Variants in CTNNA2 observed in about 807,000 individuals in gnomAD.
CTNNA2 encodes catenin alpha 2.
Under a neutral mutation model 101.0 loss-of-function variants are expected in CTNNA2, and 42 were observed. The ratio of observed to expected loss-of-function variants is 0.42; its 90% CI spans 0.32 to 0.54. CTNNA2 has a LOEUF of 0.54. Among genes scored for constraint, CTNNA2 ranks in the 20% least tolerant of loss-of-function variants. CTNNA2 has a pLI of 0.14. For synonymous variants in CTNNA2, 450 were observed against 456.4 expected (o/e 0.99, Z 0.18); for missense variants, 871 against 1,223.1 (o/e 0.71, Z 4.29).
intron 7 of CTNNA2, among the ~76,000 whole-genome samples, chr2:79,982,310 TATATAACATATATAACACAC>T (rs1234261360): frequency 3.6e-5 from 5 of 139,830 alleles, no homozygotes; most frequent in African/African-American, 1.4e-4. Context: ...ATATAAAACA[TATATAACATATATAACACAC>T]ATATAAAACA....
chr2:79,481,069 G>A (rs1671104649), intron 4 of CTNNA2, among the ~76,000 whole-genome samples: 1 of 151,496 alleles, frequency 6.6e-6, no homozygotes, highest in South Asian at 2.1e-4. Flanking sequence ...TCCCAGAAGT[G>A]CAAAAATCAC....
intron 1 of CTNNA2, among the ~76,000 whole-genome samples, chr2:79,616,214 G>A (rs926306378): frequency 6.6e-6 from 1 of 152,136 alleles, no homozygotes; most frequent in Non-Finnish European, 1.5e-5. Context: ...TGGCTTGTAA[G>A]TGTATCTTTG....
At chr2:80,262,478 G>A (rs975078534) in intron 7 of CTNNA2, among the ~76,000 whole-genome samples, 4 of 152,054 alleles carry the variant, frequency 2.6e-5, no homozygotes, top group Admixed American at 6.5e-5. Flanking sequence ...GAATTCTTTC[G>A]AAATGTAACT....
chr2:80,502,978 G>A (rs548902277), intron 9 of CTNNA2, among the ~76,000 whole-genome samples: 33 of 152,234 alleles, frequency 2.2e-4, no homozygotes, highest in Admixed American at 5.2e-4. Context: ...ACCAGTGTAA[G>A]CAACATAACA....
At chr2:79,869,401 T>G (rs931154447) in intron 4 of CTNNA2, among the ~76,000 whole-genome samples, 1 of 152,222 alleles carries the variant, frequency 6.6e-6, no homozygotes, top group Non-Finnish European at 1.5e-5. Context: ...GTCCTAAATT[T>G]TTAGCAGCTC....
chr2:80,445,804 T>C (rs930279831), intron 9 of CTNNA2, among the ~76,000 whole-genome samples: 5 of 152,224 alleles, frequency 3.3e-5, no homozygotes, highest in Admixed American at 6.5e-5. Context: ...ATTGTGGATT[T>C]AATCCTTTAT....
chr2:79,524,764 T>C (rs935966448), intron 1 of CTNNA2: 1 of 151,984 alleles, frequency 6.6e-6, no homozygotes, highest in Non-Finnish European at 1.5e-5. Context: ...GTCTTTTCCA[T>C]AGTAACGTAA....
At chr2:80,588,640 C>T (rs1696176031) in intron 14 of CTNNA2, among the ~76,000 whole-genome samples, 1 of 152,146 alleles carries the variant, frequency 6.6e-6, no homozygotes, top group Non-Finnish European at 1.5e-5. Context: ...CTAATTTTAT[C>T]CTTTATCCCA....
intron 3 of CTNNA2, among the ~76,000 whole-genome samples, chr2:79,342,735 A>G (rs1176907693): frequency 6.6e-6 from 1 of 152,196 alleles, no homozygotes; most frequent in Non-Finnish European, 1.5e-5. Context: ...CCCTACCTGC[A>G]GATCCTCTCA....
intron 2 of CTNNA2, among the ~76,000 whole-genome samples, chr2:79,210,274 G>A (rs1396290217): frequency 6.6e-6 from 1 of 151,932 alleles, no homozygotes; most frequent in African/African-American, 2.4e-5. Context: ...AAAAAGACAA[G>A]GATTTGAGGG....
intron 7 of CTNNA2, among the ~76,000 whole-genome samples, chr2:80,169,055 T>C (rs78797705): frequency 6.6e-6 from 1 of 152,220 alleles, no homozygotes; most frequent in African/African-American, 2.4e-5. Flanking sequence ...GGGCCTGACC[T>C]TGGGAGCCCA....
chr2:79,321,941 T>C (rs1055617334), intron 3 of CTNNA2, among the ~76,000 whole-genome samples: 4 of 152,124 alleles, frequency 2.6e-5, no homozygotes, highest in East Asian at 1.9e-4. Context: ...ATAGAAATCA[T>C]CCCAGCAGAC....
At chr2:79,881,698 G>A (rs1295039187) in intron 6 of CTNNA2, among the ~76,000 whole-genome samples, 1 of 151,456 alleles carries the variant, frequency 6.6e-6, no homozygotes, top group Non-Finnish European at 1.5e-5. Flanking sequence ...GCCTATGTGT[G>A]TCTTTGCATG....
At chr2:80,457,284 A>G (rs1684062499) in intron 9 of CTNNA2, among the ~76,000 whole-genome samples, 1 of 152,020 alleles carries the variant, frequency 6.6e-6, no homozygotes, top group African/African-American at 2.4e-5. Flanking sequence ...GGCTGGTTTC[A>G]AACTCCTGAC....
intron 15 of CTNNA2, among the ~76,000 whole-genome samples, chr2:80,595,746 A>G (rs952446117): frequency 2.6e-5 from 4 of 152,194 alleles, no homozygotes; most frequent in Non-Finnish European, 4.4e-5. Flanking sequence ...TACCAGTACC[A>G]TGCTGTTTTG....
intron 2 of CTNNA2, among the ~76,000 whole-genome samples, chr2:79,304,853 G>A (rs534342765): frequency 3.3e-5 from 5 of 152,126 alleles, no homozygotes; most frequent in Non-Finnish European, 7.4e-5. Context: ...TGGACAGTGA[G>A]GCATGAAGAA....
At chr2:80,338,328 G>A (rs1375560257) in intron 7 of CTNNA2, among the ~76,000 whole-genome samples, 2 of 134,416 alleles carry the variant, frequency 1.5e-5, no homozygotes, top group Non-Finnish European at 3.1e-5. Context: ...CACTTTTAAA[G>A]CAGATAATGG....
intron 9 of CTNNA2, among the ~76,000 whole-genome samples, chr2:80,494,774 AAAGT>A (rs549631019): frequency 4.5e-5 from 6 of 134,376 alleles, no homozygotes; most frequent in Non-Finnish European, 1.0e-4. Flanking sequence ...TCATAGAATA[AAAGT>A]AAGTATGTGT....
At position 80,452,650 on chromosome 2, in the gene CTNNA2, G is replaced by T. The variant is rs115600961; in HGVS notation, c.1290+33049G>T. On this transcript the variant is annotated intron_variant, in intron 9 of 18. Transcript: ENST00000402739. ...GAGCTTACAAGGGAGAAGAAAGGAT[G>T]CTGGTGGCATTGGGGGCTTCTTGCA... 3.5e-3 allele frequency among the ~76,000 whole-genome samples: 531 copies of T among 151,760 alleles called. 37 individuals carry two copies. Among genetic ancestry groups the T allele is most frequent in the African/African-American group, 0.012 (487 of 41,052 alleles).
Sources: gnomAD v4.1 joint callset for allele counts (sites outside exome capture counted in the v4.1 genomes callset) on GRCh38, gnomAD v4.1.1 for gene constraint, MANE v1.5 for transcripts, NCBI Gene and HGNC (gene_info 2026-07-23, HGNC 2026-07-21) for gene names.